Variants in ACSM2A observed in about 807,000 individuals in gnomAD.
The protein encoded by ACSM2A is acyl-coenzyme A synthetase ACSM2A, mitochondrial.
Under a neutral mutation model 76.6 loss-of-function variants are expected in ACSM2A, and 72 were observed. The observed-to-expected ratio is 0.94, with a 90% CI of 0.78 to 1.14. The LOEUF (loss-of-function observed/expected upper bound fraction) is 1.14. ACSM2A is among the 50% of genes most tolerant of loss of function. The pLI, the probability that ACSM2A is intolerant of heterozygous loss-of-function variation, is 0.00. For synonymous variants in ACSM2A, 249 were observed against 255.9 expected (o/e 0.97, Z 0.26); for missense variants, 684 against 708.5 (o/e 0.97, Z 0.39).
intron 1 of ACSM2A, among the ~76,000 whole-genome samples, chr16:20,458,294 GA>G (rs971624821): frequency 6.2e-5 from 9 of 146,336 alleles, no homozygotes; most frequent in Non-Finnish European, 9.0e-5. Flanking sequence ...CACAGAACTA[GA>G]AAAAAAATCC....
rs574192828 is a variant in ACSM2A, at chr16:20,460,107, G to T, written c.-8G>T. On this transcript the variant is annotated splice_region_variant and 5_prime_UTR_variant, in exon 2 of 14. Transcript: ENST00000573854. ...CCTGTGTCTCTTCTTTCTTTTACAG[G>T]CCTGAATATGCATTGGCTGCGAAAA... The T allele has an allele frequency of 3.7e-6, 6 of 1,608,318 alleles. No individual in the cohort carries two copies. The South Asian group carries it at 6.6e-5, about 18-fold the overall frequency.
intron 1 of ACSM2A, among the ~76,000 whole-genome samples, chr16:20,457,039 G>A (rs544931892): frequency 3.3e-5 from 5 of 152,012 alleles, no homozygotes; most frequent in South Asian, 2.1e-4. Flanking sequence ...ATGCACATAA[G>A]CTAAAAAACT....
Position 20,458,104 on chromosome 16 carries a change from C to T in ACSM2A, c.-8-2003C>T, listed in dbSNP as rs141687311. On this transcript the variant is annotated intron_variant, in intron 1 of 13. Transcript: ENST00000573854. The stretch of plus-strand genomic sequence containing the variant: ...AAAAATACTTAGGAATATACCTAAC[C>T]AAAGACCTATTCAAGGAAAACTACA... Among the ~76,000 whole-genome samples, 1,265 of 151,262 alleles carry T rather than the reference C, an allele frequency of 8.4e-3. 17 individuals carry two copies. The highest frequency in any genetic ancestry group is 0.026 in the African/African-American group (1,088 of 41,364).
intron 8 of ACSM2A, chr16:20,476,637 C>T: frequency 1.0e-6 from 1 of 985,982 alleles, no homozygotes; most frequent in Non-Finnish European, 1.2e-6. Context: ...TGATCTTAAT[C>T]ACTCAGCAGC....
At chr16:20,459,836 A>T (rs2012493048) in intron 1 of ACSM2A, among the ~76,000 whole-genome samples, 1 of 152,140 alleles carries the variant, frequency 6.6e-6, no homozygotes, top group Non-Finnish European at 1.5e-5. Flanking sequence ...GCACAAGGGG[A>T]TTTATTACAT....
At chr16:20,480,093 A>G (rs930751752) in intron 10 of ACSM2A, among the ~76,000 whole-genome samples, 3 of 152,224 alleles carry the variant, frequency 2.0e-5, no homozygotes, top group African/African-American at 7.2e-5. Flanking sequence ...GCCTCAGCTG[A>G]ATAGACGGAC....
At chr16:20,483,243 C>G (rs1353378238) in intron 13 of ACSM2A, 66 bp downstream of exon 13, 7 of 1,592,524 alleles carry the variant, frequency 4.4e-6, no homozygotes, top group Admixed American at 1.7e-5. Context: ...TTATATTTAT[C>G]TTCTTCAGGA....
At position 20,478,562 on chromosome 16, in the gene ACSM2A, G is replaced by T; in HGVS notation, c.1180-14G>T. The T allele has an allele frequency of 6.2e-7, 1 of 1,611,726 alleles. No individual in the cohort carries two copies. The highest frequency in any genetic ancestry group is 8.5e-7 in the Non-Finnish European group (1 of 1,178,568). On this transcript the variant is annotated splice_polypyrimidine_tract_variant and intron_variant, in intron 9 of 13. Transcript: ENST00000573854. ...GCTGTGTGCATCATTCTTCCAATCT[G>T]CTTCTTTCTCCAGATCATAGATGAT...
Position 20,487,374 on chromosome 16 carries a change from A to C in ACSM2A, c.*696A>C, listed in dbSNP as rs1161130157. 1.3e-5 allele frequency: 2 copies of C among 152,282 alleles called. No homozygotes were observed. The highest frequency in any genetic ancestry group is 6.5e-5 in the Admixed American group (1 of 15,288). 9.4% of individuals were successfully genotyped at this position (152,282 alleles called of 1,614,324 possible). A position where few individuals can be genotyped will look rare whatever the true frequency, so the allele number is the denominator to read the frequency against. On this transcript the variant is annotated 3_prime_UTR_variant, in exon 14 of 14. Transcript: ENST00000573854. ...ATACCCTAGAAGAAGACCTCCATAC[A>C]GGAAGACTTGTGTGTGGGGTTGGGA...
chr16:20,466,485 G>T (rs1017776740), intron 3 of ACSM2A, among the ~76,000 whole-genome samples: 10 of 152,174 alleles, frequency 6.6e-5, no homozygotes, highest in African/African-American at 2.2e-4. Flanking sequence ...TGGTAGAGAA[G>T]AGTTTAATAA....
chr16:20,471,040 C>A (rs1280297958), intron 4 of ACSM2A, 33 bp from the exon 5 acceptor site: 15 of 1,611,568 alleles, frequency 9.3e-6, no homozygotes, highest in African/African-American at 2.7e-5. Flanking sequence ...TCCAGTCTAG[C>A]TCTGAAAAAA....
At position 20,485,218 on chromosome 16, in the gene ACSM2A, T is replaced by C. The variant is rs550226551; in HGVS notation, c.1630-1356T>C. ...ACCAAAGATATTACGAATGTTTAAG[T>C]ATAACTGAATATTGTAGAAGGCTGA... On this transcript the variant is annotated intron_variant, in intron 13 of 13. Transcript: ENST00000573854. 7.2e-5 allele frequency among the ~76,000 whole-genome samples: 11 copies of C among 152,312 alleles called. No individual in the cohort carries two copies. The South Asian group carries it at 1.5e-3, about 20-fold the overall frequency.
At chr16:20,480,279 A>G (rs143317041) in intron 10 of ACSM2A, among the ~76,000 whole-genome samples, 170 of 152,320 alleles carry the variant, frequency 1.1e-3, no homozygotes, top group Non-Finnish European at 1.9e-3. Flanking sequence ...GAGAGATGGA[A>G]TCAATTGGGG....
At chr16:20,465,841 G>A in intron 3 of ACSM2A, 114 bp downstream of exon 3, 1 of 1,456,236 alleles carries the variant, frequency 6.9e-7, no homozygotes, top group Non-Finnish European at 9.1e-7. Context: ...ATGCTGTCCT[G>A]TATCATATGA....
chr16:20,485,519 G>T (rs1347494813), intron 13 of ACSM2A, among the ~76,000 whole-genome samples: 1 of 152,200 alleles, frequency 6.6e-6, no homozygotes, highest in Non-Finnish European at 1.5e-5. Context: ...AGGCTATGTG[G>T]TCTTTGTTGC....
chr16:20,461,524 A>G (rs1001140229), intron 2 of ACSM2A, among the ~76,000 whole-genome samples: 1 of 152,184 alleles, frequency 6.6e-6, no homozygotes, highest in African/African-American at 2.4e-5. Context: ...AAAATAAATG[A>G]CTAATGAAAA....
chr16:20,464,369 C>T (rs2012834195), intron 2 of ACSM2A, among the ~76,000 whole-genome samples: 1 of 152,078 alleles, frequency 6.6e-6, no homozygotes, highest in South Asian at 2.1e-4. Flanking sequence ...AGGTAACTTA[C>T]AAAGAAAAGA....
chr16:20,470,566 C>T (rs1396447085), intron 4 of ACSM2A, among the ~76,000 whole-genome samples: 5 of 152,178 alleles, frequency 3.3e-5, no homozygotes, highest in Non-Finnish European at 7.3e-5. Context: ...ATCATGCCTG[C>T]TTTTAAAGGC....
rs370892610 is a variant in ACSM2A at position 20,471,207 on chromosome 16, T to C, written c.731T>C (p.Met244Thr). The C allele has an allele frequency of 3.1e-6, 5 of 1,609,952 alleles. No individual in the cohort carries two copies. The highest frequency in any genetic ancestry group is 4.2e-6 in the Non-Finnish European group (5 of 1,177,446). ...SYSSLGLKAKMDAGWTGLQAS... is the reference protein window; with the variant it reads ...SYSSLGLKAKTDAGWTGLQAS... ...TCGAGCCTGGGCCTCAAGGCCAAGA[T>C]GGATGCTGGGTAAGCTGAGCTCTTT... is the stretch of plus-strand genomic sequence containing the variant. The change falls in exon 5 of 14, where the codon ATG becomes ACG. Residue 244 changes from methionine to threonine, a missense_variant. Physicochemically the swap from Met to Thr is moderately conservative, Grantham distance 81 (BLOSUM62 -1). This residue lies in a region of ACSM2A where 519 missense variants were observed against 549.5 expected (regional missense o/e 0.94). Coordinates refer to ENST00000573854, the MANE Select transcript of ACSM2A (RefSeq NM_001308172.2).
Sources: gnomAD v4.1 joint callset for allele counts (sites outside exome capture counted in the v4.1 genomes callset) on GRCh38, gnomAD v4.1.1 for gene constraint, gnomAD v4.1.1 regional missense constraint, MANE v1.5 for transcripts, NCBI Gene and HGNC (gene_info 2026-07-23, HGNC 2026-07-21) for gene names.